OXGR1: variants seen among roughly 807,000 people sequenced by gnomAD.
The protein encoded by OXGR1 is oxoglutarate receptor 1.
In OXGR1, 10 loss-of-function variants were observed where a neutral mutation model predicts 10.0. The ratio of observed to expected loss-of-function variants is 1.00; its 90% CI spans 0.62 to 1.70. The LOEUF is 1.70. Ranked by LOEUF, OXGR1 falls within the 40% of genes most tolerant of loss-of-function variation. The probability of loss-of-function intolerance (pLI) is 0.00; values close to 1 mark genes in which losing one functional copy is unlikely to be tolerated. For synonymous variants in OXGR1, 191 were observed against 155.9 expected, an observed-to-expected ratio of 1.22 and a Z score of -1.68; for missense variants, 398 against 407.6, an observed-to-expected ratio of 0.98 and a Z score of 0.20.
rs772643646 is a variant in OXGR1, at chr13:96,987,341, C to G, written c.419G>C (p.Ser140Thr). 66 of 1,614,202 alleles carry G rather than the reference C, an allele frequency of 4.1e-5. No individual in the cohort carries two copies. In the Middle Eastern group the frequency reaches 1.5e-3, roughly 36 times the overall value. ...FRYCVIIHPM[S>T]CFSIHKTRCA... The stretch of plus-strand genomic sequence containing the variant: ...TCGAGTTTTGTGAATGGAAAAGCAG[C>G]TCATTGGGTGAATGATCACACAGTA... Residue 140 changes from serine to threonine, a missense_variant, in exon 4 of 4, where the codon AGC (serine) becomes ACC (threonine). Coordinates refer to ENST00000541038, the MANE Select transcript of OXGR1 (RefSeq NM_001346194.2).
chr13:96,994,255 C>T (rs763413655), intron 1 of OXGR1, 43 bp downstream of exon 1: 1 of 152,418 alleles, frequency 6.6e-6, no homozygotes, highest in African/African-American at 2.4e-5. Flanking sequence ...ATACCCGCTC[C>T]CTCCGGCCGG....
chr13:96,993,549 C>T (rs565191004), intron 1 of OXGR1, among the ~76,000 whole-genome samples: 1 of 152,262 alleles, frequency 6.6e-6, no homozygotes, highest in South Asian at 2.1e-4. Flanking sequence ...TAAGAATCTG[C>T]AACTCAGTTT....
intron 3 of OXGR1, among the ~76,000 whole-genome samples, chr13:96,989,216 C>T (rs996450741): frequency 5.3e-5 from 8 of 152,112 alleles, no homozygotes; most frequent in Non-Finnish European, 1.0e-4. Flanking sequence ...TCAGAGTCTG[C>T]CACCATTATT....
Position 96,987,769 on chromosome 13 carries a change from C to T in OXGR1, c.-10G>A, listed in dbSNP as rs1566290206. 6.5e-7 allele frequency: 1 copy of T among 1,548,966 alleles called. No homozygotes were observed. The highest frequency in any genetic ancestry group is 8.7e-7 in the Non-Finnish European group (1 of 1,149,226). ...CTAGTGGCTCATTCATGGTTGTCTC[C>T]TTTCATCTTGCAAGAAAACAAGAGA... On this transcript the variant is annotated 5_prime_UTR_variant, in exon 4 of 4. Coordinates refer to ENST00000541038, the MANE Select transcript of OXGR1 (RefSeq NM_001346194.2).
rs1170019539 is a variant in OXGR1 at position 96,986,640 on chromosome 13, A to G, written c.*106T>C. On this transcript the variant is annotated 3_prime_UTR_variant, in exon 4 of 4. Transcript: ENST00000541038. ...GGCTTTGGCACATGATTACTTGAAT[A>G]CACAGTATTTACCAGGAGTTCCATT... 8.2e-7 allele frequency: 1 copy of G among 1,213,602 alleles called. No individual in the cohort carries two copies. Among genetic ancestry groups the G allele is most frequent in the East Asian group, 2.3e-5 (1 of 42,676 alleles). 75.2% of individuals were successfully genotyped at this position (1,213,602 alleles called of 1,614,324 possible). A position where few individuals can be genotyped will look rare whatever the true frequency, so the allele number is the denominator to read the frequency against.
At chr13:96,990,886 C>G (rs1882018548) in intron 2 of OXGR1, among the ~76,000 whole-genome samples, 1 of 136,634 alleles carries the variant, frequency 7.3e-6, no homozygotes, top group Non-Finnish European at 1.5e-5. Flanking sequence ...GAGGTGTAGG[C>G]TGCAGTAAGC....
Position 96,987,453 on chromosome 13 carries a change from C to T in OXGR1, c.307G>A (p.Asp103Asn). 1.2e-6 allele frequency: 2 copies of T among 1,614,202 alleles called. No individual in the cohort carries two copies. Among genetic ancestry groups the T allele is most frequent in the Non-Finnish European group, 1.7e-6 (2 of 1,180,048 alleles). ...AAGCGGATAAACTTACACATGAAAT[C>T]TCCAAAGATCCAGTTTTCGCCACTG... ...YASGENWIFG[D>N]FMCKFIRFSF... Residue 103 changes from aspartate to asparagine, a missense_variant, in exon 4 of 4, where the codon GAT becomes AAT. Coordinates refer to ENST00000541038, the MANE Select transcript of OXGR1 (RefSeq NM_001346194.2).
At position 96,990,857 on chromosome 13, in the gene OXGR1, G is replaced by A. The variant is rs147575746; in HGVS notation, c.-126-1048C>T. 9.3e-3 allele frequency among the ~76,000 whole-genome samples: 1,396 copies of A among 150,558 alleles called. 12 individuals carry two copies. Among genetic ancestry groups the A allele is most frequent in the African/African-American group, 0.032 (1,318 of 40,822 alleles). Reference sequence around the variant, plus strand: ...CCAGCTACTTGGGAGGCTGAGGCACGAGAATCGCTTGAACCTGGGAGGTGT... The same window carrying A: ...CCAGCTACTTGGGAGGCTGAGGCACAAGAATCGCTTGAACCTGGGAGGTGT... On this transcript the variant is annotated intron_variant, in intron 2 of 3. Transcript: ENST00000541038.
Position 96,990,897 on chromosome 13 carries a change from C to T in OXGR1, c.-126-1088G>A, listed in dbSNP as rs142056843. On this transcript the variant is annotated intron_variant, in intron 2 of 3. Transcript: ENST00000541038. Reference sequence around the variant, plus strand: ...CTGGGAGGTGTAGGCTGCAGTAAGCCGAGATTGAGCCACTGTACTACAGCC... The same window carrying T: ...CTGGGAGGTGTAGGCTGCAGTAAGCTGAGATTGAGCCACTGTACTACAGCC... Among the ~76,000 whole-genome samples the T allele has an allele frequency of 5.1e-4, 68 of 134,236 alleles. 1 individual carries two copies. The highest frequency in any genetic ancestry group is 4.7e-3 in the South Asian group (20 of 4,292). 88.1% of individuals were successfully genotyped at this position (134,236 alleles called of 152,430 possible). A position where few individuals can be genotyped will look rare whatever the true frequency, so the allele number is the denominator to read the frequency against.
rs1881701507 is a variant in OXGR1 at position 96,985,733 on chromosome 13, T to G, written c.*1013A>C. 1 of 152,200 alleles carries G rather than the reference T, an allele frequency of 6.6e-6. No homozygotes were observed. Among genetic ancestry groups the G allele is most frequent in the East Asian group, 1.9e-4 (1 of 5,198 alleles). The allele number at this position is 152,200 out of a possible 1,614,324, so 9.4% of individuals were successfully genotyped here. On this transcript the variant is annotated 3_prime_UTR_variant, in exon 4 of 4. Coordinates refer to ENST00000541038, the MANE Select transcript of OXGR1 (RefSeq NM_001346194.2). ...GCCTATTACATAATTATAAATAAGTTTATTAACTGTACCAACATGTTTATG... is the reference window on the plus strand; with the variant it reads ...GCCTATTACATAATTATAAATAAGTGTATTAACTGTACCAACATGTTTATG...
intron 1 of OXGR1, among the ~76,000 whole-genome samples, chr13:96,992,862 C>T (rs1357035586): frequency 6.6e-6 from 1 of 152,138 alleles, no homozygotes; most frequent in Non-Finnish European, 1.5e-5. Flanking sequence ...TTCTTTCCTC[C>T]TTTTCCCAAG....
Position 96,985,780 on chromosome 13 carries a change from ATG to A in OXGR1, c.*964_*965del, listed in dbSNP as rs1032583446. 3.9e-5 allele frequency: 6 copies of A among 152,220 alleles called. No individual in the cohort carries two copies. Among genetic ancestry groups the A allele is most frequent in the African/African-American group, 1.4e-4 (6 of 41,464 alleles). 9.4% of individuals were successfully genotyped at this position (152,220 alleles called of 1,614,324 possible). A position where few individuals can be genotyped will look rare whatever the true frequency, so the allele number is the denominator to read the frequency against. On this transcript the variant is annotated 3_prime_UTR_variant, in exon 4 of 4. Coordinates refer to ENST00000541038, the MANE Select transcript of OXGR1 (RefSeq NM_001346194.2). ...TATGAGGGTTTTAAATATCCAGACC[ATG>A]TGTTTTCTCAAATATTTATACTTAC...
chr13:96,986,147 T>A lies in OXGR1; in HGVS notation c.*599A>T, dbSNP rs1881724834. On this transcript the variant is annotated 3_prime_UTR_variant, in exon 4 of 4. Coordinates refer to ENST00000541038, the MANE Select transcript of OXGR1 (RefSeq NM_001346194.2). The stretch of plus-strand genomic sequence containing the variant: ...CAGGTACTAATTTCAACTATTTGCA[T>A]GGACGTCCTTGGATTATTTCAAGGG... 1 of 152,272 alleles carries A rather than the reference T, an allele frequency of 6.6e-6. No individual in the cohort carries two copies. Among genetic ancestry groups the A allele is most frequent in the Non-Finnish European group, 1.5e-5 (1 of 68,062 alleles). 9.4% of individuals were successfully genotyped at this position (152,272 alleles called of 1,614,324 possible).
intron 2 of OXGR1, among the ~76,000 whole-genome samples, chr13:96,992,107 AG>A (rs1882084698): frequency 6.6e-6 from 1 of 151,350 alleles, no homozygotes; most frequent in Admixed American, 6.6e-5. Flanking sequence ...GGACTGGTGG[AG>A]GGGATGGCTA....
chr13:96,991,015 T>C (rs77210416), intron 2 of OXGR1, among the ~76,000 whole-genome samples: 1,988 of 150,214 alleles, frequency 0.013, 18 homozygotes, highest in Middle Eastern at 0.042. Flanking sequence ...TTACAATTCC[T>C]GTCATTGCCA....
At position 96,987,843 on chromosome 13, in the gene OXGR1, G is replaced by A. The variant is rs1881859943; in HGVS notation, c.-74-10C>T. ...AATGAGCAGTAACTCGCTGATAAAG[G>A]AAAACAGAAAACATTAATGATAGGG... On this transcript the variant is annotated splice_polypyrimidine_tract_variant and intron_variant, in intron 3 of 3. Coordinates refer to ENST00000541038, the MANE Select transcript of OXGR1 (RefSeq NM_001346194.2). 4 of 1,469,838 alleles carry A rather than the reference G, an allele frequency of 2.7e-6. No homozygotes were observed. The South Asian group carries it at 6.0e-5, about 22-fold the overall frequency. The allele number at this position is 1,469,838 out of a possible 1,614,324, so 91.0% of individuals were successfully genotyped here. A position where few individuals can be genotyped will look rare whatever the true frequency, so the allele number is the denominator to read the frequency against.
rs1881746870 is a variant in OXGR1, at chr13:96,986,553, C to G, written c.*193G>C. 3.4e-6 allele frequency: 2 copies of G among 593,682 alleles called. No individual in the cohort carries two copies. Among genetic ancestry groups the G allele is most frequent in the Admixed American group, 3.2e-5 (1 of 31,112 alleles). 36.8% of individuals were successfully genotyped at this position (593,682 alleles called of 1,614,324 possible). On this transcript the variant is annotated 3_prime_UTR_variant, in exon 4 of 4. Coordinates refer to ENST00000541038, the MANE Select transcript of OXGR1 (RefSeq NM_001346194.2). Reference sequence around the variant, plus strand: ...TTTGCTGATATACATGCATCCCATTCTTATATCTCCCCAGTGGAGGAGCTC... The same window carrying G: ...TTTGCTGATATACATGCATCCCATTGTTATATCTCCCCAGTGGAGGAGCTC...
At chr13:96,991,294 G>T (rs1882045251) in intron 2 of OXGR1, among the ~76,000 whole-genome samples, 1 of 152,170 alleles carries the variant, frequency 6.6e-6, no homozygotes, top group Non-Finnish European at 1.5e-5. Context: ...CTGTGAGCAG[G>T]TAGGATGAAG....
rs1881792388 is a variant in OXGR1 at position 96,987,123 on chromosome 13, T to C, written c.637A>G (p.Ile213Val). The change falls in exon 4 of 4, where the codon ATA becomes GTA. Residue 213 changes from isoleucine (I) to valine (V), a missense_variant. Physicochemically the swap from Ile to Val is conservative, Grantham distance 29. Transcript: ENST00000541038. ...TATTFCLPLVIVTLCYTTIIH... is the reference protein window; with the variant it reads ...TATTFCLPLVVVTLCYTTIIH... The stretch of plus-strand genomic sequence containing the variant: ...ATCGTGGTATAGCAAAGTGTCACTA[T>C]CACCAAGGGGAGGCAGAAAGTAGTT... 1 of 1,614,044 alleles carries C rather than the reference T, an allele frequency of 6.2e-7. No individual in the cohort carries two copies. Among genetic ancestry groups the C allele is most frequent in the Non-Finnish European group, 8.5e-7 (1 of 1,180,014 alleles).
Sources: allele counts gnomAD v4.1 joint callset (sites outside exome capture counted in the v4.1 genomes callset), GRCh38; gene constraint gnomAD v4.1.1; transcripts MANE v1.5; gene names NCBI Gene and HGNC (gene_info 2026-07-23, HGNC 2026-07-21).